The following RBFOX3 variants were observed in gnomAD, a reference collection of about 807,000 sequenced individuals.
RBFOX3 encodes RNA binding fox-1 homolog 3.
Under a neutral mutation model 48.7 loss-of-function variants are expected in RBFOX3, and 17 were observed. That is an observed-to-expected ratio of 0.35 (90% CI 0.24 to 0.52). The LOEUF is 0.52. RBFOX3 is among the 20% of genes least tolerant of loss of function. RBFOX3 has a pLI of 0.94. For synonymous variants in RBFOX3, 212 were observed against 209.5 expected (o/e 1.01, Z -0.10); for missense variants, 382 against 497.5 (o/e 0.77, Z 2.21).
chr17:79,095,666 G>T, intron 12 of RBFOX3, 92 bp from the exon 13 acceptor site: 1 of 1,185,320 alleles, frequency 8.4e-7, no homozygotes, highest in Non-Finnish European at 1.2e-6. Context: ...ACCCTGTGCG[G>T]GTGGGGCCCT....
chr17:79,503,899 G>A (rs2082707223), intron 1 of RBFOX3, among the ~76,000 whole-genome samples: 1 of 152,232 alleles, frequency 6.6e-6, no homozygotes, highest in African/African-American at 2.4e-5. Flanking sequence ...CCAGGACGGG[G>A]ATGCAAAACC....
intron 1 of RBFOX3, among the ~76,000 whole-genome samples, chr17:79,487,524 T>C (rs1365746745): frequency 1.3e-5 from 2 of 152,188 alleles, no homozygotes; most frequent in African/African-American, 2.4e-5. Flanking sequence ...CAGTGTTTGC[T>C]CACTATCGTG....
chr17:79,315,530 G>A (rs559400231), intron 2 of RBFOX3, among the ~76,000 whole-genome samples: 134 of 152,320 alleles, frequency 8.8e-4, no homozygotes, highest in South Asian at 6.2e-3. Context: ...CTCCCAGGCC[G>A]CGCCTTCACA....
At chr17:79,182,365 G>T (rs2052217166) in intron 4 of RBFOX3, among the ~76,000 whole-genome samples, 1 of 152,206 alleles carries the variant, frequency 6.6e-6, no homozygotes, top group African/African-American at 2.4e-5. Flanking sequence ...GGGCAGCCAG[G>T]GTGGGTGAGG....
intron 4 of RBFOX3, among the ~76,000 whole-genome samples, chr17:79,167,914 G>A (rs779265267): frequency 3.4e-4 from 52 of 152,344 alleles, no homozygotes; most frequent in Admixed American, 9.8e-4. Flanking sequence ...ATGGATTTCC[G>A]AGGAGGGGGC....
chr17:79,654,712 C>A, the RBFOX3 span, among the ~76,000 whole-genome samples: 306 of 152,312 alleles, frequency 2.0e-3, no homozygotes, highest in African/African-American at 6.9e-3. Context: ...ATCGTTTTAG[C>A]ACCTTGCAGG....
At chr17:79,472,563 A>G (rs2077183876) in intron 2 of RBFOX3, among the ~76,000 whole-genome samples, 1 of 152,218 alleles carries the variant, frequency 6.6e-6, no homozygotes, top group Admixed American at 6.5e-5. Context: ...GACCATCTAC[A>G]AGCCAAAGAG....
intron 2 of RBFOX3, among the ~76,000 whole-genome samples, chr17:79,315,635 C>T (rs1462094709): frequency 6.6e-6 from 1 of 152,230 alleles, no homozygotes; most frequent in African/African-American, 2.4e-5. Flanking sequence ...ATAAAAGCCA[C>T]GTGATCAAAT....
rs1450368828 is a variant in RBFOX3 at position 79,364,855 on chromosome 17, G to C, written c.-174-57031C>G. Among the ~76,000 whole-genome samples, 1 of 152,192 alleles carries C rather than the reference G, an allele frequency of 6.6e-6. No homozygotes were observed. Among genetic ancestry groups the C allele is most frequent in the African/African-American group, 2.4e-5 (1 of 41,432 alleles). On this transcript the variant is annotated intron_variant, in intron 2 of 14. Transcript: ENST00000693108. This position sits in a 1 kb window ranked among gnomAD's most constrained non-coding sequence, Gnocchi z 5.1. ...CTGGGTTGCTCCCTCAGCTGGAGAG[G>C]CTACCTTGTGTGGCCAGAACCACTC...
Position 79,491,025 on chromosome 17 carries a change from C to T in RBFOX3, c.-319-8427G>A, listed in dbSNP as rs1057101312. 1.2e-4 allele frequency among the ~76,000 whole-genome samples: 13 copies of T among 106,008 alleles called. No homozygotes were observed. In the East Asian group the frequency reaches 2.5e-3, roughly 21 times the overall value. 69.5% of individuals were successfully genotyped at this position (106,008 alleles called of 152,430 possible). A position where few individuals can be genotyped will look rare whatever the true frequency, so the allele number is the denominator to read the frequency against. On this transcript the variant is annotated intron_variant, in intron 1 of 14. Transcript: ENST00000693108. Reference sequence around the variant, plus strand: ...GCAGGTGACCAACCCTGGAGTGAATCGGAGAGGAGAGGGGAGGGGAGGAAA... The same window carrying T: ...GCAGGTGACCAACCCTGGAGTGAATTGGAGAGGAGAGGGGAGGGGAGGAAA...
chr17:79,498,894 A>ATCCATCCC (rs2081993779), intron 1 of RBFOX3, among the ~76,000 whole-genome samples: 1 of 148,506 alleles, frequency 6.7e-6, no homozygotes, highest in Admixed American at 6.7e-5. Flanking sequence ...CCATCCATCC[A>ATCCATCCC]TCCATCCATC....
intron 1 of RBFOX3, among the ~76,000 whole-genome samples, chr17:79,521,710 CTT>C (rs1344982432): frequency 6.6e-6 from 1 of 152,180 alleles, no homozygotes; most frequent in African/African-American, 2.4e-5. Context: ...CGGAGACACA[CTT>C]ATACATTCAC....
chr17:79,096,572 G>A (rs369228409), intron 12 of RBFOX3, 81 bp downstream of exon 12: 57 of 1,256,336 alleles, frequency 4.5e-5, no homozygotes, highest in Non-Finnish European at 6.4e-5. Flanking sequence ...GGAGCGGGCA[G>A]TGAGAGAGGA....
At chr17:79,293,009 C>T (rs1295743998) in intron 3 of RBFOX3, among the ~76,000 whole-genome samples, 1 of 152,146 alleles carries the variant, frequency 6.6e-6, no homozygotes, top group Non-Finnish European at 1.5e-5. Flanking sequence ...GAAGAGTTTG[C>T]TTGGCTGGAA....
At position 79,103,300 on chromosome 17, in the gene RBFOX3, A is replaced by G. The variant is rs1174701313; in HGVS notation, c.415-46T>C. The stretch of plus-strand genomic sequence containing the variant: ...AGGACAGGCACGGAGAGGAGGACAC[A>G]GGGCGAGAAAGAGGAGGAAGACGAG... On this transcript the variant is annotated intron_variant, in intron 7 of 14. Coordinates refer to ENST00000693108, the MANE Select transcript of RBFOX3 (RefSeq NM_001350451.2). The surrounding 1 kb of genome is among the most constrained non-coding windows in gnomAD (Gnocchi z 6.1). 7.9e-7 allele frequency: 1 copy of G among 1,273,118 alleles called. No homozygotes were observed. The highest frequency in any genetic ancestry group is 1.5e-5 in the African/African-American group (1 of 67,288). 78.9% of individuals were successfully genotyped at this position (1,273,118 alleles called of 1,614,324 possible). A position where few individuals can be genotyped will look rare whatever the true frequency, so the allele number is the denominator to read the frequency against.
intron 3 of RBFOX3, among the ~76,000 whole-genome samples, chr17:79,301,737 G>C (rs981662724): frequency 6.6e-6 from 1 of 152,186 alleles, no homozygotes; most frequent in Non-Finnish European, 1.5e-5. Flanking sequence ...AGCAGAATGC[G>C]GTTCCCCCAC....
In RBFOX3 at chr17:79,127,344, A is replaced by C. The variant is rs2707045; in HGVS notation, c.-33-11596T>G. Among the ~76,000 whole-genome samples the C allele has an allele frequency of 1.7e-4, 26 of 151,760 alleles. 1 individual carries two copies. The South Asian group carries it at 5.2e-3, about 30-fold the overall frequency. ...CCAGAGGACAACCCAGAGATAACGCATCAACAGGAACGATGAGAGGGAGAC... is the reference window on the plus strand; with the variant it reads ...CCAGAGGACAACCCAGAGATAACGCCTCAACAGGAACGATGAGAGGGAGAC... On this transcript the variant is annotated intron_variant, in intron 4 of 14. Transcript: ENST00000693108.
chr17:79,415,022 C>T (rs1371839460), intron 2 of RBFOX3, among the ~76,000 whole-genome samples: 1 of 152,170 alleles, frequency 6.6e-6, no homozygotes, highest in East Asian at 1.9e-4. Flanking sequence ...CTCCCCAGCT[C>T]ATCGCCACGG....
chr17:79,118,798 C>A (rs1675263), intron 4 of RBFOX3, among the ~76,000 whole-genome samples: 46,309 of 145,422 alleles, frequency 0.32, 7,552 homozygotes, highest in South Asian at 0.37. Flanking sequence ...CACAGTGAAA[C>A]CCTCTCTACA....
Sources: gnomAD v4.1 joint callset for allele counts (sites outside exome capture counted in the v4.1 genomes callset) on GRCh38, gnomAD v4.1.1 for gene constraint, Gnocchi (gnomAD v3.1) non-coding constraint, MANE v1.5 for transcripts, NCBI Gene and HGNC (gene_info 2026-07-23, HGNC 2026-07-21) for gene names.